Variants in AVIL observed in about 807,000 individuals in gnomAD.
AVIL encodes the protein advillin.
A neutral mutation model predicts 109.9 loss-of-function variants in AVIL; 78 were observed. That is an observed-to-expected ratio of 0.71 (90% CI 0.59 to 0.86). AVIL has a LOEUF of 0.86. Among genes scored for constraint, AVIL ranks in the 40% least tolerant of loss-of-function variants. The pLI, the probability that AVIL is intolerant of heterozygous loss-of-function variation, is 0.00. For synonymous variants in AVIL, 367 were observed against 379.1 expected (o/e 0.97, Z 0.37); for missense variants, 892 against 1,016.5 (o/e 0.88, Z 1.67).
At chr12:57,812,187 G>C (rs1956046713) in intron 4 of AVIL, among the ~76,000 whole-genome samples, 1 of 152,134 alleles carries the variant, frequency 6.6e-6, no homozygotes, top group Non-Finnish European at 1.5e-5. Flanking sequence ...CGCCATGCCT[G>C]GCTAGCTTTT....
intron 19 of AVIL, among the ~76,000 whole-genome samples, chr12:57,799,062 A>G (rs776957307): frequency 6.6e-6 from 1 of 152,230 alleles, no homozygotes; most frequent in Non-Finnish European, 1.5e-5. Context: ...TTTTAAGGAT[A>G]TTACTAGAGG....
intron 7 of AVIL, among the ~76,000 whole-genome samples, 163 bp from the exon 8 acceptor site, chr12:57,810,053 C>G (rs1956014804): frequency 6.6e-6 from 1 of 152,172 alleles, no homozygotes; most frequent in South Asian, 2.1e-4. Context: ...AGACTCTTTT[C>G]TTTGGTGGAG....
At chr12:57,810,581 C>T in intron 6 of AVIL, 30 bp from the exon 7 acceptor site, 1 of 1,609,946 alleles carries the variant, frequency 6.2e-7, no homozygotes, top group Non-Finnish European at 8.5e-7. Flanking sequence ...AAGCCCTCAG[C>T]TCCTCTGGGA....
At chr12:57,800,796 CG>C (rs1156466205) in intron 18 of AVIL, 1 of 165,976 alleles carries the variant, frequency 6.0e-6, no homozygotes, top group African/African-American at 2.4e-5. Flanking sequence ...TTAGTAGAGA[CG>C]GGGTTTCACC....
Position 57,815,876 on chromosome 12 carries a change from G to A in AVIL, c.66+99C>T. ...GCCTCTCATTCTCCTCAAACCATAG[G>A]CTAAGGGGTGCTGGCGGGCTGTTGC... On this transcript the variant is annotated intron_variant, in intron 2 of 19. Coordinates refer to ENST00000549994, the MANE Select transcript of AVIL (RefSeq NM_006576.4). The A allele has an allele frequency of 1.9e-6, 3 of 1,584,180 alleles. No individual in the cohort carries two copies. In the South Asian group the frequency reaches 3.4e-5, roughly 18 times the overall value.
In AVIL at chr12:57,816,010, C is replaced by T; in HGVS notation, c.31G>A (p.Asp11Asn). The T allele has an allele frequency of 6.2e-7, 1 of 1,614,180 alleles. No individual in the cohort carries two copies. The highest frequency in any genetic ancestry group is 8.5e-7 in the Non-Finnish European group (1 of 1,180,018). ...CAGACAATGATCCCAGGGTCGTTGT[C>T]CACAGCCCTGAAGGCACTGGTCAGA... Reference protein sequence around the residue: MPLTSAFRAVDNDPGIIVWRI... With the variant: MPLTSAFRAVNNDPGIIVWRI... The change falls in exon 2 of 20, where the codon GAC becomes AAC. Residue 11 changes from aspartate (D) to asparagine (N), a missense_variant. Physicochemically the swap from Asp to Asn is conservative, Grantham distance 23 (BLOSUM62 1). Transcript: ENST00000549994.
At chr12:57,810,036 A>C (rs1956014386) in intron 7 of AVIL, 146 bp from the exon 8 acceptor site, 1 of 824,650 alleles carries the variant, frequency 1.2e-6, no homozygotes, top group Admixed American at 2.3e-5. Flanking sequence ...TGAGGACAGG[A>C]ATGTGCAGAC....
intron 13 of AVIL, 111 bp from the exon 14 acceptor site, chr12:57,806,650 AG>A: frequency 8.0e-7 from 1 of 1,244,716 alleles, no homozygotes; most frequent in Non-Finnish European, 1.1e-6. Flanking sequence ...GCCCTTGAGG[AG>A]CTTCTAGACT....
rs138047529 is a variant in AVIL at position 57,811,062 on chromosome 12, C to T, written c.404G>A (p.Arg135Gln). ...TCTTTTCCCTTTCACATGTAGCAGC[C>T]GCTTCACGTCGTAGGTATTGGTCTC... is the stretch of plus-strand genomic sequence containing the variant. ...HVETNTYDVK[R>Q]LLHVKGKRNI... Residue 135 changes from arginine to glutamine, a missense_variant, in exon 5 of 20, where the codon CGG (arginine) becomes CAG (glutamine). Coordinates refer to ENST00000549994, the MANE Select transcript of AVIL (RefSeq NM_006576.4). 88 of 1,614,142 alleles carry T rather than the reference C, an allele frequency of 5.5e-5. No individual in the cohort carries two copies. In the African/African-American group the frequency reaches 9.2e-4, roughly 17 times the overall value.
chr12:57,811,177 C>T, intron 4 of AVIL, 50 bp from the exon 5 acceptor site: 2 of 1,559,442 alleles, frequency 1.3e-6, no homozygotes, highest in Non-Finnish European at 1.8e-6. Flanking sequence ...GTGCTAGGTT[C>T]TGGGGAGACA....
intron 4 of AVIL, 120 bp from the exon 5 acceptor site, chr12:57,811,247 T>A: frequency 1.1e-6 from 1 of 925,148 alleles, no homozygotes; most frequent in African/African-American, 1.6e-5. Context: ...GCAAGGTAAA[T>A]ACAGATGGTG....
intron 14 of AVIL, among the ~76,000 whole-genome samples, chr12:57,805,083 T>C (rs1217204749): frequency 2.0e-5 from 3 of 152,202 alleles, no homozygotes; most frequent in African/African-American, 7.2e-5. Context: ...TGAGAGGGAA[T>C]CTTGCTCTGT....
rs1282842931 is a variant in AVIL, at chr12:57,809,472, T to G, written c.939+125A>C. 5.4e-6 allele frequency: 6 copies of G among 1,101,718 alleles called. No homozygotes were observed. In the Admixed American group the frequency reaches 1.3e-4, roughly 25 times the overall value. 68.2% of individuals were successfully genotyped at this position (1,101,718 alleles called of 1,614,324 possible). On this transcript the variant is annotated intron_variant, in intron 9 of 19. Coordinates refer to ENST00000549994, the MANE Select transcript of AVIL (RefSeq NM_006576.4). ...TGAATCCCAGTTTGTCTGCCTGACT[T>G]TGCAGTCCATGTACGTAAGCACAAT...
chr12:57,816,736 A>G (rs531767758), intron 1 of AVIL, among the ~76,000 whole-genome samples: 2 of 92,816 alleles, frequency 2.2e-5, no homozygotes, highest in East Asian at 3.6e-4. Flanking sequence ...AGAGTAAACT[A>G]TTCTTAAACT....
rs760369242 is a variant in AVIL at position 57,806,463 on chromosome 12, G to T, written c.1568C>A (p.Ser523Tyr). The T allele has an allele frequency of 6.3e-5, 101 of 1,614,040 alleles. No individual in the cohort carries two copies. The highest frequency in any genetic ancestry group is 8.4e-5 in the Non-Finnish European group (99 of 1,180,032). The change falls in exon 14 of 20, where the codon TCT becomes TAT. Residue 523 changes from serine (S) to tyrosine (Y), a missense_variant. Coordinates refer to ENST00000549994, the MANE Select transcript of AVIL (RefSeq NM_006576.4). ...RLFQIHGNDK[S>Y]NTKAVEVPAF... ...TGGAACTTCCACTGCTTTGGTGTTA[G>T]ATTTGTCATTTCCATGAATTTGGAA...
At chr12:57,802,572 G>A (rs1955872291) in intron 16 of AVIL, 1 of 721,164 alleles carries the variant, frequency 1.4e-6, no homozygotes, top group Admixed American at 2.0e-5. Context: ...TTTCCAAATT[G>A]GAGCTGTCTC....
intron 4 of AVIL, among the ~76,000 whole-genome samples, chr12:57,813,015 A>G (rs1197378663): frequency 6.6e-6 from 1 of 152,230 alleles, no homozygotes; most frequent in African/African-American, 2.4e-5. Context: ...CCACACTTCC[A>G]TCAGCAGGGC....
At position 57,811,010 on chromosome 12, in the gene AVIL, AGGACTAACCTC is replaced by A. The variant is rs773498317; in HGVS notation, c.445_447+8del. On this transcript the variant is annotated splice_donor_variant and splice_donor_5th_base_variant and coding_sequence_variant and intron_variant, in exon 5 of 20. Transcript: ENST00000549994. LOFTEE classifies it high-confidence loss of function. ...CCCGGGCCTGGGGCAGAGAGTGTGC[AGGACTAACCTC>A]GGTAGCCCTGATGTTTCTTTTCCCT... 6.2e-7 allele frequency: 1 copy of A among 1,614,102 alleles called. No individual in the cohort carries two copies. The highest frequency in any genetic ancestry group is 8.5e-7 in the Non-Finnish European group (1 of 1,180,038).
At chr12:57,818,374 A>G (rs945431747) in intron 1 of AVIL, among the ~76,000 whole-genome samples, 21 of 151,626 alleles carry the variant, frequency 1.4e-4, no homozygotes, top group Non-Finnish European at 2.1e-4. Flanking sequence ...GCCTTGCTCC[A>G]TACCATCTTT....
Sources: allele counts gnomAD v4.1 joint callset (sites outside exome capture counted in the v4.1 genomes callset), GRCh38; gene constraint gnomAD v4.1.1; transcripts MANE v1.5; gene names NCBI Gene and HGNC (gene_info 2026-07-23, HGNC 2026-07-21).